The following RIMS2 variants were observed in gnomAD, a reference collection of about 807,000 sequenced individuals.
The protein encoded by RIMS2 is regulating synaptic membrane exocytosis protein 2.
In RIMS2, 59 loss-of-function variants were observed where a neutral mutation model predicts 174.4. The observed-to-expected ratio is 0.34, with a 90% confidence interval of 0.27 to 0.42. The LOEUF (loss-of-function observed/expected upper bound fraction) is 0.42. Among genes scored for constraint, RIMS2 ranks in the 10% least tolerant of loss-of-function variants. The probability of loss-of-function intolerance (pLI) is 1.00; values close to 1 mark genes in which losing one functional copy is unlikely to be tolerated. For missense variants in RIMS2, 1,620 were observed against 1,666.3 expected (o/e 0.97, Z 0.48); for synonymous variants, 606 against 572.5 (o/e 1.06, Z -0.84).
chr8:103,662,062 A>G (rs1027412094), intron 1 of RIMS2, among the ~76,000 whole-genome samples: 2 of 152,246 alleles, frequency 1.3e-5, no homozygotes, highest in African/African-American at 4.8e-5. Flanking sequence ...TCGGCCACAC[A>G]TAAAATACAG....
intron 19 of RIMS2, among the ~76,000 whole-genome samples, chr8:104,034,331 G>A (rs2096464323): frequency 6.6e-6 from 1 of 152,064 alleles, no homozygotes; most frequent in Admixed American, 6.6e-5. Context: ...TAGAAAACGA[G>A]TTAACAAGTA....
intron 1 of RIMS2, among the ~76,000 whole-genome samples, chr8:103,520,874 CA>C (rs1415131904): frequency 6.6e-6 from 1 of 151,976 alleles, no homozygotes; most frequent in Non-Finnish European, 1.5e-5. Flanking sequence ...ATAGAAAGTT[CA>C]AAGACTATTC....
chr8:103,674,962 GTTAC>G (rs1006087554), intron 1 of RIMS2, among the ~76,000 whole-genome samples: 14 of 151,888 alleles, frequency 9.2e-5, no homozygotes, highest in African/African-American at 3.4e-4. Context: ...TTGATTATTT[GTTAC>G]TTAATTTAAT....
intron 1 of RIMS2, among the ~76,000 whole-genome samples, chr8:103,651,475 C>G (rs2096451644): frequency 6.6e-6 from 1 of 152,154 alleles, no homozygotes; most frequent in African/African-American, 2.4e-5. Context: ...AAAATATCTT[C>G]TCATCTCAGA....
intron 1 of RIMS2, among the ~76,000 whole-genome samples, chr8:103,607,951 C>T (rs933464940): frequency 6.9e-6 from 1 of 144,130 alleles, no homozygotes; most frequent in Non-Finnish European, 1.5e-5. Flanking sequence ...TCTGAATGTC[C>T]TCCCATAGCT....
chr8:103,568,439 G>A (rs1192900076), intron 1 of RIMS2, among the ~76,000 whole-genome samples: 1 of 152,228 alleles, frequency 6.6e-6, no homozygotes, highest in African/African-American at 2.4e-5. Flanking sequence ...ACATGTCAGT[G>A]TTTAATGTTT....
intron 3 of RIMS2, among the ~76,000 whole-genome samples, chr8:103,858,796 G>T (rs1249839207): frequency 6.6e-6 from 1 of 150,618 alleles, no homozygotes; most frequent in East Asian, 1.9e-4. Flanking sequence ...ATAGTATACA[G>T]AATTATAAGA....
intron 1 of RIMS2, among the ~76,000 whole-genome samples, chr8:103,539,573 A>G (rs1409836658): frequency 2.0e-5 from 3 of 152,212 alleles, no homozygotes; most frequent in African/African-American, 7.2e-5. Context: ...TATGAGCTAT[A>G]TTGTTGAAAC....
intron 19 of RIMS2, among the ~76,000 whole-genome samples, chr8:104,081,339 A>G (rs2154563261): frequency 6.6e-6 from 1 of 152,194 alleles, no homozygotes; most frequent in African/African-American, 2.4e-5. Context: ...TTTATTCAAT[A>G]GAACATAAAA....
rs570771214 is a variant in RIMS2, at chr8:103,957,116, A to T, written c.2702-3949A>T. ...AAGGAAATAACAGATGCTGGAGAGG[A>T]TATCGAGAAATAGGAACGCTTTTAC... On this transcript the variant is annotated intron_variant, in intron 14 of 23. Coordinates refer to ENST00000504942, the Ensembl canonical transcript of RIMS2. Among the ~76,000 whole-genome samples, 5 of 148,264 alleles carry T rather than the reference A, an allele frequency of 3.4e-5. No homozygotes were observed. In the East Asian group the frequency reaches 9.6e-4, roughly 29 times the overall value.
chr8:104,034,186 T>C (rs1250117104), intron 19 of RIMS2, among the ~76,000 whole-genome samples: 3 of 152,144 alleles, frequency 2.0e-5, no homozygotes, highest in Non-Finnish European at 2.9e-5. Flanking sequence ...TTTATGAAAA[T>C]CTATGCTAGA....
intron 10 of RIMS2, among the ~76,000 whole-genome samples, chr8:103,926,215 CA>C (rs902980590): frequency 2.6e-5 from 4 of 151,516 alleles, no homozygotes; most frequent in African/African-American, 9.7e-5. Flanking sequence ...GGTAGGAAGA[CA>C]GGGGAAATAA....
At chr8:103,851,139 T>G (rs2098995556) in intron 3 of RIMS2, among the ~76,000 whole-genome samples, 1 of 151,950 alleles carries the variant, frequency 6.6e-6, no homozygotes, top group Non-Finnish European at 1.5e-5. Context: ...ATTTAAACTT[T>G]TCTTCATGAA....
At chr8:104,233,920 A>G (rs536969888) in intron 19 of RIMS2, among the ~76,000 whole-genome samples, 7 of 152,196 alleles carry the variant, frequency 4.6e-5, no homozygotes, top group Non-Finnish European at 8.8e-5. Flanking sequence ...CCACCTTGAT[A>G]TCATCTGAAA....
At chr8:103,753,806 G>C (rs1472378145) in intron 2 of RIMS2, among the ~76,000 whole-genome samples, 8 of 152,056 alleles carry the variant, frequency 5.3e-5, no homozygotes, top group Admixed American at 4.6e-4. Flanking sequence ...GCGTCTATTT[G>C]ATTCTTCTCT....
chr8:103,977,540 T>C (rs77990625), intron 16 of RIMS2: 2 of 152,162 alleles, frequency 1.3e-5, no homozygotes, highest in Admixed American at 1.3e-4. Flanking sequence ...TTTGTGGGGA[T>C]TTTTTCCCAC....
chr8:103,598,277 A>G (rs911895230), intron 1 of RIMS2, among the ~76,000 whole-genome samples: 3 of 152,294 alleles, frequency 2.0e-5, no homozygotes, highest in East Asian at 3.9e-4. Flanking sequence ...TAAAACTACT[A>G]TAAAAACTGG....
intron 17 of RIMS2, among the ~76,000 whole-genome samples, chr8:103,992,274 A>ATTTTTTTTTTTTTTTTTTTT (rs1186537194): frequency 9.3e-6 from 1 of 107,106 alleles, no homozygotes; most frequent in Non-Finnish European, 1.8e-5. Context: ...ATGTCCAGCT[A>ATTTTTTTTTTTTTTTTTTTT]TTTTTTTTTT....
chr8:104,085,285 C>A (rs2097517093), intron 19 of RIMS2, among the ~76,000 whole-genome samples: 1 of 152,244 alleles, frequency 6.6e-6, no homozygotes, highest in Middle Eastern at 3.4e-3. Context: ...CACAGAATGC[C>A]TGCTGTAGCT....
Sources: allele counts gnomAD v4.1 joint callset (sites outside exome capture counted in the v4.1 genomes callset), GRCh38; gene constraint gnomAD v4.1.1; transcripts MANE v1.5; gene names NCBI Gene and HGNC (gene_info 2026-07-23, HGNC 2026-07-21).